GSX2: variants seen among roughly 807,000 people sequenced by gnomAD.
GSX2 encodes GS homeobox 2.
Under a neutral mutation model 19.2 loss-of-function variants are expected in GSX2, and 16 were observed. That is an observed-to-expected ratio of 0.84 (90% CI 0.57 to 1.27). The LOEUF is 1.27. Among genes scored for constraint, GSX2 ranks in the 50% most tolerant of loss-of-function variants. The pLI is 0.00. For missense variants in GSX2, 448 were observed against 428.4 expected (o/e 1.05, Z -0.40); for synonymous variants, 217 against 196.4 (o/e 1.10, Z -0.88).
rs1301065038 is a variant in GSX2, at chr4:54,101,875, CT to C, written c.869del (p.Leu290ArgfsTer67). 6.8e-6 allele frequency: 11 copies of C among 1,612,858 alleles called. No individual in the cohort carries two copies. The highest frequency in any genetic ancestry group is 8.5e-6 in the Non-Finnish European group (10 of 1,179,080). Reference sequence around the variant, plus strand: ...CGCGCGCTCCGAGGATGAGGACTCCCTGTCGCCGGCCTCAGCCAACGATGAC... The same window carrying C: ...CGCGCGCTCCGAGGATGAGGACTCCCGTCGCCGGCCTCAGCCAACGATGAC... ...HYARSEDEDS[L>X]SPASANDDKE... On this transcript the variant is annotated frameshift_variant, in exon 2 of 2. Coordinates refer to ENST00000326902, the MANE Select transcript of GSX2 (RefSeq NM_133267.3). LOFTEE classifies it high-confidence loss of function. The surrounding 1 kb of genome is among the most constrained non-coding windows in gnomAD (Gnocchi z 5.0).
Position 54,101,909 on chromosome 4 carries a change from T to G in GSX2, c.902T>G (p.Ile301Ser). The G allele has an allele frequency of 6.2e-7, 1 of 1,603,472 alleles. No individual in the cohort carries two copies. The highest frequency in any genetic ancestry group is 8.5e-7 in the Non-Finnish European group (1 of 1,173,750). The part of the protein sequence containing the change: ...SPASANDDKE[I>S]SPL ...GCCTCAGCCAACGATGACAAGGAGA[T>G]TTCCCCCTTATGAGGGAGGGCCTCC... The change falls in exon 2 of 2, where the codon ATT becomes AGT. Residue 301 changes from isoleucine (I) to serine (S), a missense_variant. Transcript: ENST00000326902. This position sits in a 1 kb window ranked among gnomAD's most constrained non-coding sequence, Gnocchi z 5.0.
rs902272071 is a variant in GSX2 at position 54,101,225 on chromosome 4, G to T, written c.574+307G>T. ...CAGAGGTTAACTGCTTGGGATTTGGGGTGGGTGTGTTTGAACCTGTGTGGC... is the reference window on the plus strand; with the variant it reads ...CAGAGGTTAACTGCTTGGGATTTGGTGTGGGTGTGTTTGAACCTGTGTGGC... On this transcript the variant is annotated intron_variant, in intron 1 of 1. Coordinates refer to ENST00000326902, the MANE Select transcript of GSX2 (RefSeq NM_133267.3). This position sits in a 1 kb window ranked among gnomAD's most constrained non-coding sequence, Gnocchi z 5.0. Among the ~76,000 whole-genome samples, 2 of 152,158 alleles carry T rather than the reference G, an allele frequency of 1.3e-5. No individual in the cohort carries two copies. Among genetic ancestry groups the T allele is most frequent in the African/African-American group, 4.8e-5 (2 of 41,436 alleles).
At position 54,101,283 on chromosome 4, in the gene GSX2, C is replaced by G. The variant is rs2110111898; in HGVS notation, c.575-299C>G. ...CGTCGGGGCGGCTAAAGCGTCTTGA[C>G]GTTTTTGGCTAAGCCTGCGCGCTTC... is the stretch of plus-strand genomic sequence containing the variant. On this transcript the variant is annotated intron_variant, in intron 1 of 1. Coordinates refer to ENST00000326902, the MANE Select transcript of GSX2 (RefSeq NM_133267.3). This position sits in a 1 kb window ranked among gnomAD's most constrained non-coding sequence, Gnocchi z 5.0. 6.6e-6 allele frequency among the ~76,000 whole-genome samples: 1 copy of G among 152,314 alleles called. No individual in the cohort carries two copies. Among genetic ancestry groups the G allele is most frequent in the Middle Eastern group, 3.4e-3 (1 of 294 alleles).
At position 54,101,551 on chromosome 4, in the gene GSX2, AC is replaced by A. The variant is rs767526296; in HGVS notation, c.575-29del. ...GGTGGGAGCACCTTGCCCGAGCCTT[AC>A]CTCTCTACCCTCTCTTCGCCGGTCC... On this transcript the variant is annotated intron_variant, in intron 1 of 1. Transcript: ENST00000326902. This position sits in a 1 kb window ranked among gnomAD's most constrained non-coding sequence, Gnocchi z 5.0. 6 of 1,517,668 alleles carry A rather than the reference AC, an allele frequency of 4.0e-6. No homozygotes were observed. The highest frequency in any genetic ancestry group is 5.4e-6 in the Non-Finnish European group (6 of 1,102,600). The allele number at this position is 1,517,668 out of a possible 1,614,324, so 94.0% of individuals were successfully genotyped here. A position where few individuals can be genotyped will look rare whatever the true frequency, so the allele number is the denominator to read the frequency against.
chr4:54,101,878 T>A lies in GSX2; in HGVS notation c.871T>A (p.Ser291Thr). The part of the protein sequence containing the change: ...YARSEDEDSL[S>T]PASANDDKEI... ...GCGCTCCGAGGATGAGGACTCCCTG[T>A]CGCCGGCCTCAGCCAACGATGACAA... is the stretch of plus-strand genomic sequence containing the variant. Residue 291 changes from serine to threonine, a missense_variant, in exon 2 of 2, where the codon TCG (serine) becomes ACG (threonine). By Grantham distance (58) the Ser-to-Thr change is moderately conservative. Coordinates refer to ENST00000326902, the MANE Select transcript of GSX2 (RefSeq NM_133267.3). This position sits in a 1 kb window ranked among gnomAD's most constrained non-coding sequence, Gnocchi z 5.0. 4.3e-6 allele frequency: 7 copies of A among 1,612,738 alleles called. No individual in the cohort carries two copies. Among genetic ancestry groups the A allele is most frequent in the Non-Finnish European group, 4.2e-6 (5 of 1,178,928 alleles).
Position 54,101,947 on chromosome 4 carries a change from C to T in GSX2, c.*25C>T, listed in dbSNP as rs777116640. 5.2e-6 allele frequency: 8 copies of T among 1,528,314 alleles called. No homozygotes were observed. The highest frequency in any genetic ancestry group is 7.1e-6 in the Non-Finnish European group (8 of 1,131,216). 94.7% of individuals were successfully genotyped at this position (1,528,314 alleles called of 1,614,324 possible). On this transcript the variant is annotated 3_prime_UTR_variant, in exon 2 of 2. Coordinates refer to ENST00000326902, the MANE Select transcript of GSX2 (RefSeq NM_133267.3). This position sits in a 1 kb window ranked among gnomAD's most constrained non-coding sequence, Gnocchi z 5.0. ...AGGGAGGGCCTCCTCCCTCACATCC[C>T]CCGCTCCTGGCAGACCAGGCAACGC... is the stretch of plus-strand genomic sequence containing the variant.
rs1355236679 is a variant in GSX2, at chr4:54,100,167, G to A, written c.-178G>A. On this transcript the variant is annotated 5_prime_UTR_variant, in exon 1 of 2. Transcript: ENST00000326902. ...ACCCGAGCCGGGGCGCCGGGCGGGG[G>A]ACGTGAGGACCAGCCCTCTCCGGGG... 1.2e-6 allele frequency: 1 copy of A among 838,494 alleles called. No homozygotes were observed. Among genetic ancestry groups the A allele is most frequent in the African/African-American group, 1.7e-5 (1 of 58,028 alleles). 51.9% of individuals were successfully genotyped at this position (838,494 alleles called of 1,614,324 possible).
chr4:54,102,083 G>T lies in GSX2; in HGVS notation c.*161G>T. 1.6e-6 allele frequency: 1 copy of T among 623,686 alleles called. No homozygotes were observed. The highest frequency in any genetic ancestry group is 2.8e-6 in the Non-Finnish European group (1 of 359,812). 38.6% of individuals were successfully genotyped at this position (623,686 alleles called of 1,614,324 possible). On this transcript the variant is annotated 3_prime_UTR_variant, in exon 2 of 2. Transcript: ENST00000326902. ...TGGACAAGCCGGGACCTGACCCTTC[G>T]CGTCTCCTTCTTGACCTGTTTATCT...
rs777784451 is a variant in GSX2 at position 54,100,401 on chromosome 4, G to T, written c.57G>T (p.Ala19=). 9 of 1,613,990 alleles carry T rather than the reference G, an allele frequency of 5.6e-6. No individual in the cohort carries two copies. The highest frequency in any genetic ancestry group is 4.5e-5 in the East Asian group (2 of 44,856). Residue 19 remains alanine, a synonymous_variant, in exon 1 of 2, where the codon GCG becomes GCT. Coordinates refer to ENST00000326902, the MANE Select transcript of GSX2 (RefSeq NM_133267.3). ...TCATCAAGGACACCTCACGGCCTGC[G>T]CCCTCGCTGCCTGAACCGCACCCCG... ...SLIIKDTSRP[A]PSLPEPHPGP... is the part of the protein sequence containing the mutation.
rs1295456099 is a variant in GSX2, at chr4:54,100,426, G to A, written c.82G>A (p.Gly28Arg). The A allele has an allele frequency of 1.9e-6, 3 of 1,613,840 alleles. No homozygotes were observed. The highest frequency in any genetic ancestry group is 1.3e-5 in the African/African-American group (1 of 74,930). ...PAPSLPEPHP[G>R]PDFFIPLGMP... ...GCCCTCGCTGCCTGAACCGCACCCC[G>A]GGCCGGATTTCTTCATCCCGCTTGG... Residue 28 changes from glycine (G) to arginine (R), a missense_variant, in exon 1 of 2, where the codon GGG (glycine) becomes AGG (arginine). By Grantham distance (125) the Gly-to-Arg change is moderately radical. Transcript: ENST00000326902.
In GSX2 at chr4:54,100,667, A is replaced by G. The variant is rs766743168; in HGVS notation, c.323A>G (p.Gln108Arg). Reference protein sequence around the residue: ...AAGALPLLKGQFSSAPGDAQF... With the variant: ...AAGALPLLKGRFSSAPGDAQF... ...GGGGCACTGCCTCTGCTTAAGGGCC[A>G]GTTCTCTTCGGCTCCTGGGGACGCG... is the stretch of plus-strand genomic sequence containing the variant. The change falls in exon 1 of 2, where the codon CAG becomes CGG. Residue 108 changes from glutamine (Q) to arginine (R), a missense_variant. Transcript: ENST00000326902. 1.3e-6 allele frequency: 2 copies of G among 1,548,606 alleles called. No individual in the cohort carries two copies. Among genetic ancestry groups the G allele is most frequent in the East Asian group, 2.5e-5 (1 of 40,806 alleles).
Position 54,100,418 on chromosome 4 carries a change from C to G in GSX2, c.74C>G (p.Pro25Arg). 2 of 1,614,072 alleles carry G rather than the reference C, an allele frequency of 1.2e-6. No homozygotes were observed. The highest frequency in any genetic ancestry group is 2.2e-5 in the East Asian group (1 of 44,858). ...TSRPAPSLPE[P>R]HPGPDFFIPL... Reference sequence around the variant, plus strand: ...CGGCCTGCGCCCTCGCTGCCTGAACCGCACCCCGGGCCGGATTTCTTCATC... The same window carrying G: ...CGGCCTGCGCCCTCGCTGCCTGAACGGCACCCCGGGCCGGATTTCTTCATC... Residue 25 changes from proline to arginine, a missense_variant, in exon 1 of 2, where the codon CCG (proline) becomes CGG (arginine). Physicochemically the swap from Pro to Arg is moderately radical, Grantham distance 103. Transcript: ENST00000326902.
At position 54,100,522 on chromosome 4, in the gene GSX2, G is replaced by T. The variant is rs775207811; in HGVS notation, c.178G>T (p.Val60Leu). Residue 60 changes from valine (V) to leucine (L), a missense_variant, in exon 1 of 2, where the codon GTG becomes TTG. Transcript: ENST00000326902. ...CPSRKSGAFCVCPLCVTSHLH... is the reference protein window; with the variant it reads ...CPSRKSGAFCLCPLCVTSHLH... ...GTCCCGCAAGAGCGGCGCGTTCTGC[G>T]TGTGCCCTCTCTGCGTCACTTCGCA... The T allele has an allele frequency of 6.2e-7, 1 of 1,612,964 alleles. No homozygotes were observed. The highest frequency in any genetic ancestry group is 2.2e-5 in the East Asian group (1 of 44,826).
At position 54,101,534 on chromosome 4, in the gene GSX2, C is replaced by A; in HGVS notation, c.575-48C>A. On this transcript the variant is annotated intron_variant, in intron 1 of 1. Transcript: ENST00000326902. The surrounding 1 kb of genome is among the most constrained non-coding windows in gnomAD (Gnocchi z 5.0). The stretch of plus-strand genomic sequence containing the variant: ...TCCTGGTTAGCACATGGGGTGGGAG[C>A]ACCTTGCCCGAGCCTTACCTCTCTA... 1.5e-6 allele frequency: 2 copies of A among 1,322,082 alleles called. No homozygotes were observed. Among genetic ancestry groups the A allele is most frequent in the South Asian group, 1.3e-5 (1 of 76,796 alleles). 81.9% of individuals were successfully genotyped at this position (1,322,082 alleles called of 1,614,324 possible).
Position 54,100,210 on chromosome 4 carries a change from C to A in GSX2, c.-135C>A. On this transcript the variant is annotated 5_prime_UTR_variant, in exon 1 of 2. Transcript: ENST00000326902. ...CTCCGGGGACCCCTTTGTTCCCAGC[C>A]CAGACGCCAACACCTCTGCGTCCCC... 1.5e-6 allele frequency: 2 copies of A among 1,353,966 alleles called. No homozygotes were observed. The highest frequency in any genetic ancestry group is 1.3e-5 in the South Asian group (1 of 74,096). The allele number at this position is 1,353,966 out of a possible 1,614,324, so 83.9% of individuals were successfully genotyped here.
chr4:54,101,832 C>T lies in GSX2; in HGVS notation c.825C>T (p.Val275=). ...QRNSHAGCKC[V]GSQVHYARSE... is the part of the protein sequence containing the mutation. ...ACAGTCACGCGGGCTGCAAGTGCGT[C>T]GGGAGCCAGGTGCACTACGCGCGCT... The change falls in exon 2 of 2, where the codon GTC becomes GTT. Residue 275 remains valine, a synonymous_variant. Transcript: ENST00000326902. The surrounding 1 kb of genome is among the most constrained non-coding windows in gnomAD (Gnocchi z 5.0). 6.2e-7 allele frequency: 1 copy of T among 1,614,166 alleles called. No homozygotes were observed. The highest frequency in any genetic ancestry group is 8.5e-7 in the Non-Finnish European group (1 of 1,180,032).
chr4:54,100,350 G>T lies in GSX2; in HGVS notation c.6G>T (p.Ser2=), dbSNP rs776143162. Residue 2 remains serine (S), a synonymous_variant, in exon 1 of 2, where the codon TCG becomes TCT. Transcript: ENST00000326902. ...AGCCACCCACCCCTCTCGACATGTC[G>T]CGCTCCTTCTATGTCGACTCGCTCA... M[S]RSFYVDSLII... 8 of 1,613,158 alleles carry T rather than the reference G, an allele frequency of 5.0e-6. No homozygotes were observed. Among genetic ancestry groups the T allele is most frequent in the African/African-American group, 1.3e-5 (1 of 74,922 alleles).
Position 54,101,851 on chromosome 4 carries a change from G to A in GSX2, c.844G>A (p.Ala282Thr), listed in dbSNP as rs140212063. 3 of 1,614,150 alleles carry A rather than the reference G, an allele frequency of 1.9e-6. No individual in the cohort carries two copies. The highest frequency in any genetic ancestry group is 1.1e-5 in the South Asian group (1 of 91,080). ...GTGCGTCGGGAGCCAGGTGCACTAC[G>A]CGCGCTCCGAGGATGAGGACTCCCT... ...CKCVGSQVHY[A>T]RSEDEDSLSP... The change falls in exon 2 of 2, where the codon GCG becomes ACG. Residue 282 changes from alanine to threonine, a missense_variant. By Grantham distance (58) the Ala-to-Thr change is moderately conservative. Transcript: ENST00000326902. The surrounding 1 kb of genome is among the most constrained non-coding windows in gnomAD (Gnocchi z 5.0).
Position 54,100,842 on chromosome 4 carries a change from G to A in GSX2, c.498G>A (p.Pro166=), listed in dbSNP as rs926401073. 6 of 1,532,280 alleles carry A rather than the reference G, an allele frequency of 3.9e-6. No individual in the cohort carries two copies. The highest frequency in any genetic ancestry group is 1.4e-5 in the African/African-American group (1 of 69,942). The allele number at this position is 1,532,280 out of a possible 1,614,324, so 94.9% of individuals were successfully genotyped here. ...AAAAAAALGH[P]QHHAPVCTAT... is the part of the protein sequence containing the mutation. ...CGGCCGCGGCGGCCTTGGGGCACCC[G>A]CAGCACCACGCACCTGTCTGCACCG... Residue 166 remains proline (P), a synonymous_variant, in exon 1 of 2, where the codon CCG becomes CCA. Transcript: ENST00000326902.
Sources: allele counts gnomAD v4.1 joint callset (sites outside exome capture counted in the v4.1 genomes callset), GRCh38; gene constraint gnomAD v4.1.1; non-coding constraint Gnocchi (gnomAD v3.1); transcripts MANE v1.5; gene names NCBI Gene and HGNC (gene_info 2026-07-23, HGNC 2026-07-21).